CBFA2T2: variants seen among roughly 807,000 people sequenced by gnomAD.
The protein encoded by CBFA2T2 is CBFA2/RUNX1 partner transcriptional co-repressor 2.
CBFA2T2 carries 11 observed loss-of-function variants against 62.2 expected under a neutral mutation model. That is an observed-to-expected ratio of 0.18 (90% CI 0.11 to 0.29). CBFA2T2 has a LOEUF of 0.29. Ranked by LOEUF, CBFA2T2 falls within the 10% of genes least tolerant of loss-of-function variation. CBFA2T2 has a pLI of 1.00. For missense variants in CBFA2T2, 592 were observed against 774.1 expected, an observed-to-expected ratio of 0.76 and a Z score of 2.79; for synonymous variants, 295 against 287.5, an observed-to-expected ratio of 1.03 and a Z score of -0.27.
rs2013450962 is a variant in CBFA2T2, at chr20:33,569,069, C to A, written c.35-37887C>A. Among the ~76,000 whole-genome samples, 3 of 152,038 alleles carry A rather than the reference C, an allele frequency of 2.0e-5. No individual in the cohort carries two copies. In the South Asian group the frequency reaches 6.2e-4, roughly 32 times the overall value. On this transcript the variant is annotated intron_variant, in intron 1 of 10. Coordinates refer to ENST00000342704, the MANE Select transcript of CBFA2T2 (RefSeq NM_001032999.3). ...GTTTCTGAGTAGTAAAGCTTTTAGA[C>A]TTTGGATGGGATTTTATGGAAAATT...
chr20:33,614,018 A>G (rs1032443755), intron 3 of CBFA2T2, among the ~76,000 whole-genome samples: 3 of 152,062 alleles, frequency 2.0e-5, no homozygotes, highest in Admixed American at 2.0e-4. Flanking sequence ...CCCCATCTCT[A>G]CTAAAAATAC....
At chr20:33,591,389 G>C (rs1341388850) in intron 1 of CBFA2T2, among the ~76,000 whole-genome samples, 1 of 136,172 alleles carries the variant, frequency 7.3e-6, no homozygotes, top group Admixed American at 7.6e-5. Flanking sequence ...CACAAGAATT[G>C]CTTGAACCCG....
intron 1 of CBFA2T2, among the ~76,000 whole-genome samples, chr20:33,575,215 T>A (rs561931794): frequency 6.6e-6 from 1 of 152,246 alleles, no homozygotes; most frequent in African/African-American, 2.4e-5. Flanking sequence ...GAAACACTTA[T>A]TTTCTAGTCA....
chr20:33,492,500 G>A (rs1234419478), intron 1 of CBFA2T2, among the ~76,000 whole-genome samples: 8 of 150,880 alleles, frequency 5.3e-5, no homozygotes, highest in African/African-American at 1.5e-4. Flanking sequence ...CTTCTGTTAC[G>A]TAACTACATT....
intron 1 of CBFA2T2, among the ~76,000 whole-genome samples, chr20:33,542,406 T>A (rs990636914): frequency 6.6e-6 from 1 of 152,190 alleles, no homozygotes; most frequent in African/African-American, 2.4e-5. Context: ...TTTTGTACCC[T>A]CAGTTTAAGA....
intron 1 of CBFA2T2, among the ~76,000 whole-genome samples, chr20:33,503,602 A>C (rs575028738): frequency 1.8e-4 from 27 of 152,272 alleles, no homozygotes; most frequent in African/African-American, 6.5e-4. Flanking sequence ...ACTAGATAGC[A>C]GTGAAATATA....
intron 1 of CBFA2T2, among the ~76,000 whole-genome samples, chr20:33,590,159 T>G (rs2014552888): frequency 6.6e-6 from 1 of 151,442 alleles, no homozygotes; most frequent in Non-Finnish European, 1.5e-5. Context: ...GGTGGGAGGA[T>G]CTCTTGAACC....
chr20:33,561,674 C>T (rs370807788), intron 1 of CBFA2T2, among the ~76,000 whole-genome samples: 1 of 152,028 alleles, frequency 6.6e-6, no homozygotes, highest in East Asian at 1.9e-4. Flanking sequence ...TTTATTTTGG[C>T]GACTCATTGT....
At chr20:33,638,424 C>G (rs2016706376) in intron 9 of CBFA2T2, among the ~76,000 whole-genome samples, 1 of 152,136 alleles carries the variant, frequency 6.6e-6, no homozygotes, top group African/African-American at 2.4e-5. Context: ...CCTTAGACGA[C>G]CTCCAGTAAG....
chr20:33,561,301 C>T (rs903624989), intron 1 of CBFA2T2, among the ~76,000 whole-genome samples: 7 of 152,078 alleles, frequency 4.6e-5, no homozygotes, highest in Admixed American at 1.3e-4. Flanking sequence ...TCTCAAACGC[C>T]TGAGCTCAAG....
intron 1 of CBFA2T2, 90 bp from the exon 2 acceptor site, chr20:33,606,866 C>T: frequency 7.8e-7 from 1 of 1,285,286 alleles, no homozygotes; most frequent in Non-Finnish European, 1.1e-6. Context: ...CCAAGCAGTC[C>T]TCTAGGGAAG....
intron 1 of CBFA2T2, among the ~76,000 whole-genome samples, chr20:33,559,915 A>T (rs998966777): frequency 6.6e-6 from 1 of 152,154 alleles, no homozygotes; most frequent in African/African-American, 2.4e-5. Context: ...GCTTTCTGTT[A>T]TGACAAGTTT....
chr20:33,617,876 A>G (rs1292002727), intron 3 of CBFA2T2, among the ~76,000 whole-genome samples: 2 of 152,230 alleles, frequency 1.3e-5, no homozygotes, highest in Non-Finnish European at 2.9e-5. Context: ...TGTTTACCGA[A>G]TAATAAATAT....
intron 1 of CBFA2T2, among the ~76,000 whole-genome samples, chr20:33,506,019 G>C (rs1209526403): frequency 1.3e-5 from 2 of 152,150 alleles, no homozygotes; most frequent in Non-Finnish European, 2.9e-5. Flanking sequence ...GAACCCAGAA[G>C]GTGGAAGTTG....
chr20:33,596,923 T>TG (rs1362882533), intron 1 of CBFA2T2, among the ~76,000 whole-genome samples: 1 of 151,030 alleles, frequency 6.6e-6, no homozygotes, highest in East Asian at 1.9e-4. Flanking sequence ...ACCTCTGTTT[T>TG]TTTTTTTTTT....
At chr20:33,616,003 G>A (rs1316957544) in intron 3 of CBFA2T2, among the ~76,000 whole-genome samples, 3 of 151,990 alleles carry the variant, frequency 2.0e-5, no homozygotes, top group Admixed American at 6.6e-5. Context: ...TTAAGCCCAG[G>A]AGTTCGAGGC....
chr20:33,527,244 C>T (rs775137271), intron 1 of CBFA2T2, among the ~76,000 whole-genome samples: 3 of 152,116 alleles, frequency 2.0e-5, no homozygotes, highest in Admixed American at 6.6e-5. Context: ...CTACATCACC[C>T]AGGCTGGAGT....
At chr20:33,618,872 A>C (rs1017835983) in intron 3 of CBFA2T2, among the ~76,000 whole-genome samples, 3 of 152,210 alleles carry the variant, frequency 2.0e-5, no homozygotes, top group African/African-American at 7.2e-5. Flanking sequence ...GAACCCCTCA[A>C]TATCAGGGAT....
rs59278499 is a variant in CBFA2T2, at chr20:33,596,919, GTTT to G, written c.35-10021_35-10019del. On this transcript the variant is annotated intron_variant, in intron 1 of 10. Coordinates refer to ENST00000342704, the MANE Select transcript of CBFA2T2 (RefSeq NM_001032999.3). Reference sequence around the variant, plus strand: ...ACCTCAAAATTGTTTCTTGACCTCTGTTTTTTTTTTTTTTTTTTCTTTCTTTTT... The same window carrying G: ...ACCTCAAAATTGTTTCTTGACCTCTGTTTTTTTTTTTTTTTCTTTCTTTTT... Among the ~76,000 whole-genome samples the G allele has an allele frequency of 5.2e-4, 65 of 125,366 alleles. 1 individual carries two copies. Among genetic ancestry groups the G allele is most frequent in the African/African-American group, 1.4e-3 (49 of 34,018 alleles). 82.2% of individuals were successfully genotyped at this position (125,366 alleles called of 152,430 possible).
Sources: gnomAD v4.1 joint callset for allele counts (sites outside exome capture counted in the v4.1 genomes callset) on GRCh38, gnomAD v4.1.1 for gene constraint, MANE v1.5 for transcripts, NCBI Gene and HGNC (gene_info 2026-07-23, HGNC 2026-07-21) for gene names.